LANCL1: variants seen among roughly 807,000 people sequenced by gnomAD.
The protein encoded by LANCL1 is glutathione S-transferase LANCL1.
A neutral mutation model predicts 50.6 loss-of-function variants in LANCL1; 50 were observed. The observed-to-expected ratio is 0.99, with a 90% CI of 0.79 to 1.25. The LOEUF (loss-of-function observed/expected upper bound fraction) is 1.25. LANCL1 is among the 50% of genes most tolerant of loss of function. The pLI, the probability that LANCL1 is intolerant of heterozygous loss-of-function variation, is 0.00. For missense variants in LANCL1, 532 were observed against 480.7 expected, an observed-to-expected ratio of 1.11 and a Z score of -1.00; for synonymous variants, 188 against 178.6, an observed-to-expected ratio of 1.05 and a Z score of -0.42.
chr2:210,447,571 A>G (rs1693382446), intron 4 of LANCL1, among the ~76,000 whole-genome samples: 1 of 152,234 alleles, frequency 6.6e-6, no homozygotes. Flanking sequence ...AATTGGAGGA[A>G]GAGTCAAGAC....
intron 7 of LANCL1, 87 bp from the exon 8 acceptor site, chr2:210,436,479 G>C: frequency 7.8e-7 from 1 of 1,283,960 alleles, no homozygotes; most frequent in East Asian, 2.3e-5. Context: ...GAAGGAAAGA[G>C]GGAGATGGCT....
intron 4 of LANCL1, among the ~76,000 whole-genome samples, chr2:210,448,739 AAACT>A (rs1219670412): frequency 1.3e-5 from 2 of 152,256 alleles, no homozygotes; most frequent in Non-Finnish European, 2.9e-5. Flanking sequence ...CTATGCAGAT[AAACT>A]AGAAAATCTA....
At chr2:210,472,994 T>A (rs1245036727) in intron 2 of LANCL1, among the ~76,000 whole-genome samples, 1 of 152,152 alleles carries the variant, frequency 6.6e-6, no homozygotes, top group Non-Finnish European at 1.5e-5. Context: ...GTGCAAACAG[T>A]GAGGCTCACA....
At chr2:210,451,743 G>A (rs942851823) in intron 4 of LANCL1, among the ~76,000 whole-genome samples, 6 of 152,106 alleles carry the variant, frequency 3.9e-5, no homozygotes, top group African/African-American at 1.4e-4. Context: ...TGGCTATATA[G>A]GCTCCAGGCT....
At chr2:210,473,799 T>C (rs780601698) in intron 2 of LANCL1, among the ~76,000 whole-genome samples, 15 of 152,346 alleles carry the variant, frequency 9.8e-5, no homozygotes, top group African/African-American at 3.1e-4. Context: ...ACGACGTTGT[T>C]TGACAGACAC....
chr2:210,437,700 T>C lies in LANCL1; in HGVS notation c.863A>G (p.Gln288Arg). Residue 288 changes from glutamine (Q) to arginine (R), a missense_variant, in exon 7 of 10, where the codon CAG (glutamine) becomes CGG (arginine). Coordinates refer to ENST00000450366, the MANE Select transcript of LANCL1 (RefSeq NM_006055.3). ...GAPGVIYMLI[Q>R]AYKVFREEKY... ...AAATACACACAGTACCTTATAGGCC[T>C]GGATGAGCATGTAGATTACCCCAGG... is the stretch of plus-strand genomic sequence containing the variant. The C allele has an allele frequency of 6.3e-7, 1 of 1,594,296 alleles. No individual in the cohort carries two copies. Among genetic ancestry groups the C allele is most frequent in the Admixed American group, 1.8e-5 (1 of 55,770 alleles).
Position 210,476,643 on chromosome 2 carries a change from C to T in LANCL1, c.-40G>A, listed in dbSNP as rs115104544. On this transcript the variant is annotated 5_prime_UTR_variant, in exon 1 of 10. Coordinates refer to ENST00000450366, the MANE Select transcript of LANCL1 (RefSeq NM_006055.3). ...ACCCGGACAAAGAGGCCCCGTTTTGCAACCCCGTTCCCACGCCCGCGACTT... is the reference window on the plus strand; with the variant it reads ...ACCCGGACAAAGAGGCCCCGTTTTGTAACCCCGTTCCCACGCCCGCGACTT... 2.0e-3 allele frequency: 2,591 copies of T among 1,271,360 alleles called. 38 individuals carry two copies. In the African/African-American group the frequency reaches 0.034, roughly 17 times the overall value. The allele number at this position is 1,271,360 out of a possible 1,614,324, so 78.8% of individuals were successfully genotyped here.
At chr2:210,467,717 C>T (rs192716524) in intron 3 of LANCL1, among the ~76,000 whole-genome samples, 1 of 152,290 alleles carries the variant, frequency 6.6e-6, no homozygotes, top group Non-Finnish European at 1.5e-5. Context: ...TTAAACTGCA[C>T]ATTGTTAAGG....
intron 4 of LANCL1, among the ~76,000 whole-genome samples, chr2:210,448,324 C>T (rs1170880973): frequency 6.6e-6 from 1 of 152,078 alleles, no homozygotes; most frequent in Non-Finnish European, 1.5e-5. Context: ...ACACAATGTA[C>T]CAGAATCTCT....
At chr2:210,438,783 A>C (rs1287981977) in intron 6 of LANCL1, among the ~76,000 whole-genome samples, 1 of 152,236 alleles carries the variant, frequency 6.6e-6, no homozygotes, top group East Asian at 1.9e-4. Flanking sequence ...GTACAGATCC[A>C]TAGGACATAC....
chr2:210,458,710 G>A (rs749163337), intron 3 of LANCL1, among the ~76,000 whole-genome samples: 3 of 152,312 alleles, frequency 2.0e-5, no homozygotes, highest in Middle Eastern at 6.8e-3. Flanking sequence ...CATCCACTGA[G>A]ATGGCAAACC....
At chr2:210,441,220 C>T in intron 5 of LANCL1, 88 bp downstream of exon 5, 1 of 1,321,790 alleles carries the variant, frequency 7.6e-7, no homozygotes, top group Non-Finnish European at 1.1e-6. Context: ...ATGGAATGTG[C>T]TAACTACAGA....
intron 4 of LANCL1, among the ~76,000 whole-genome samples, chr2:210,448,482 G>A (rs1299650459): frequency 6.6e-6 from 1 of 152,014 alleles, no homozygotes; most frequent in Non-Finnish European, 1.5e-5. Context: ...GCTAGCAGAA[G>A]ACAAGAAATA....
chr2:210,470,329 C>T (rs756213814), intron 3 of LANCL1, among the ~76,000 whole-genome samples: 43 of 152,062 alleles, frequency 2.8e-4, no homozygotes, highest in South Asian at 1.2e-3. Context: ...AATGGTCCAA[C>T]ATTATCTAGT....
At chr2:210,450,863 T>C (rs1297220636) in intron 4 of LANCL1, among the ~76,000 whole-genome samples, 1 of 152,190 alleles carries the variant, frequency 6.6e-6, no homozygotes, top group Admixed American at 6.5e-5. Flanking sequence ...GAAATAGTAA[T>C]GCTTTTACAC....
At chr2:210,469,509 A>G (rs866266427) in intron 3 of LANCL1, among the ~76,000 whole-genome samples, 6 of 152,262 alleles carry the variant, frequency 3.9e-5, no homozygotes, top group Middle Eastern at 3.4e-3. Context: ...ATTTATCTAG[A>G]AGATTTTACG....
intron 4 of LANCL1, among the ~76,000 whole-genome samples, chr2:210,454,271 A>T (rs979320592): frequency 6.6e-6 from 1 of 151,300 alleles, no homozygotes; most frequent in Non-Finnish European, 1.5e-5. Context: ...CGCCTAAACA[A>T]TAGGGGTATA....
At chr2:210,445,236 T>G (rs749974752) in intron 4 of LANCL1, among the ~76,000 whole-genome samples, 100 of 152,284 alleles carry the variant, frequency 6.6e-4, no homozygotes, top group Middle Eastern at 3.4e-3. Flanking sequence ...CCAATGATAT[T>G]CCAACTGAAA....
intron 3 of LANCL1, 166 bp downstream of exon 3, chr2:210,471,793 T>TACCATGGTTGGTTGGGTTG: frequency 1.3e-6 from 1 of 740,756 alleles, no homozygotes; most frequent in Non-Finnish European, 2.5e-6. Flanking sequence ...ACCCAGAAGA[T>TACCATGGTTGGTTGGGTTG]ACCATGGTTG....
Sources: gnomAD v4.1 joint callset for allele counts (sites outside exome capture counted in the v4.1 genomes callset) on GRCh38, gnomAD v4.1.1 for gene constraint, MANE v1.5 for transcripts, NCBI Gene and HGNC (gene_info 2026-07-23, HGNC 2026-07-21) for gene names.